CFAP91: variants seen among roughly 807,000 people sequenced by gnomAD.
The protein encoded by CFAP91 is cilia- and flagella-associated protein 91.
CFAP91 carries 85 observed loss-of-function variants against 95.9 expected under a neutral mutation model. The observed-to-expected ratio is 0.89, with a 90% CI of 0.74 to 1.06. The LOEUF (loss-of-function observed/expected upper bound fraction) is 1.06, where lower values mean the gene tolerates loss of function less well. Ranked by LOEUF, CFAP91 falls within the 50% of genes least tolerant of loss-of-function variation. The pLI, the probability that CFAP91 is intolerant of heterozygous loss-of-function variation, is 0.00. For synonymous variants in CFAP91, 335 were observed against 327.5 expected, an observed-to-expected ratio of 1.02 and a Z score of -0.25; for missense variants, 962 against 943.4, an observed-to-expected ratio of 1.02 and a Z score of -0.26.
chr3:119,705,418 C>G (rs2053340367), intron 1 of CFAP91, among the ~76,000 whole-genome samples: 1 of 151,942 alleles, frequency 6.6e-6, no homozygotes, highest in African/African-American at 2.4e-5. Flanking sequence ...ACTCTCTTTC[C>G]CCTCCTTCAT....
intron 6 of CFAP91, among the ~76,000 whole-genome samples, chr3:119,720,605 TA>T (rs2053666184): frequency 6.6e-6 from 1 of 152,130 alleles, no homozygotes; most frequent in African/African-American, 2.4e-5. Context: ...AAGGAACAAA[TA>T]AACTGCTTTA....
Position 119,703,177 on chromosome 3 carries a change from G to A in CFAP91, c.79G>A (p.Ala27Thr), listed in dbSNP as rs759437686. 10 of 1,609,212 alleles carry A rather than the reference G, an allele frequency of 6.2e-6. No individual in the cohort carries two copies. The highest frequency in any genetic ancestry group is 3.3e-4 in the Middle Eastern group (2 of 6,026). ...AACTCGGTACCGGGAGAGGTCGCGGGCTGGGAGCCACATCTCCTCCAATCG... is the reference window on the plus strand; with the variant it reads ...AACTCGGTACCGGGAGAGGTCGCGGACTGGGAGCCACATCTCCTCCAATCG... ...SQTRYRERSR[A>T]GSHISSNRAY... Residue 27 changes from alanine to threonine, a missense_variant, in exon 1 of 18, where the codon GCT becomes ACT. Transcript: ENST00000273390.
chr3:119,721,879 T>C (rs772827708), intron 6 of CFAP91, among the ~76,000 whole-genome samples: 5 of 152,032 alleles, frequency 3.3e-5, no homozygotes, highest in Non-Finnish European at 5.9e-5. Context: ...AATATCCAAT[T>C]AGAAAAATTG....
chr3:119,736,265 A>ATTTTT (rs2054001745), intron 10 of CFAP91, among the ~76,000 whole-genome samples: 1 of 81,126 alleles, frequency 1.2e-5, no homozygotes, highest in African/African-American at 5.3e-5. Context: ...CTTTCTTTCT[A>ATTTTT]TTGTTTTTTT....
intron 6 of CFAP91, among the ~76,000 whole-genome samples, chr3:119,721,477 G>C (rs1329566505): frequency 6.6e-6 from 1 of 152,208 alleles, no homozygotes; most frequent in Non-Finnish European, 1.5e-5. Context: ...TCTTAGCCCA[G>C]AGTTTATCAA....
chr3:119,720,410 GA>G (rs34890079), intron 6 of CFAP91, among the ~76,000 whole-genome samples: 16,448 of 128,816 alleles, frequency 0.13, 1,271 homozygotes, highest in South Asian at 0.21. Flanking sequence ...AAAAAAAAAA[GA>G]AAAGAAAACT....
rs140507080 is a variant in CFAP91 at position 119,763,053 on chromosome 3, T to C, written c.*2-1999T>C. 2.2e-3 allele frequency among the ~76,000 whole-genome samples: 341 copies of C among 152,174 alleles called. 7 individuals are homozygous for C. In the South Asian group the frequency reaches 0.028, roughly 12 times the overall value. ...ACAACCTGCTAAGTGGGAGAAAATA[T>C]GTACAAACCATACATCTGGTAAGAG... On this transcript the variant is annotated intron_variant, in intron 17 of 17. Transcript: ENST00000273390.
intron 17 of CFAP91, among the ~76,000 whole-genome samples, chr3:119,754,437 A>T (rs1193382363): frequency 6.6e-6 from 1 of 152,242 alleles, no homozygotes; most frequent in East Asian, 1.9e-4. Flanking sequence ...TTCTTAGCCT[A>T]TTTATATTGG....
At position 119,743,975 on chromosome 3, in the gene CFAP91, G is replaced by A; in HGVS notation, c.1681G>A (p.Val561Met). 1 of 1,597,334 alleles carries A rather than the reference G, an allele frequency of 6.3e-7. No homozygotes were observed. The highest frequency in any genetic ancestry group is 8.5e-7 in the Non-Finnish European group (1 of 1,170,042). Residue 561 changes from valine (V) to methionine (M), a missense_variant and splice_region_variant, in exon 14 of 18, where the codon GTG becomes ATG. By Grantham distance (21) the Val-to-Met change is conservative. Coordinates refer to ENST00000273390, the MANE Select transcript of CFAP91 (RefSeq NM_033364.4). Reference protein sequence around the residue: ...QRQRNLHEHKVSLVENHLAGL... With the variant: ...QRQRNLHEHKMSLVENHLAGL... ...TTAAAGTTATGTTATTCTTTTCAAG[G>A]TGTCACTGGTTGAAAACCATTTGGC...
At chr3:119,739,598 T>C (rs1300537807) in intron 12 of CFAP91, among the ~76,000 whole-genome samples, 1 of 151,892 alleles carries the variant, frequency 6.6e-6, no homozygotes, top group Non-Finnish European at 1.5e-5. Context: ...GAAACTCACT[T>C]CTTCCTTGGA....
chr3:119,735,708 G>T (rs892682979), intron 10 of CFAP91, among the ~76,000 whole-genome samples: 1 of 152,036 alleles, frequency 6.6e-6, no homozygotes, highest in African/African-American at 2.4e-5. Context: ...CCACTTGATG[G>T]GTAGAGCAGG....
chr3:119,719,985 C>T (rs191637680), intron 6 of CFAP91, among the ~76,000 whole-genome samples: 64 of 152,040 alleles, frequency 4.2e-4, no homozygotes, highest in African/African-American at 1.5e-3. Context: ...TGCCTGTAAT[C>T]CCAGCTACTC....
intron 10 of CFAP91, among the ~76,000 whole-genome samples, chr3:119,735,923 C>T (rs1361547781): frequency 6.6e-6 from 1 of 151,410 alleles, no homozygotes; most frequent in Non-Finnish European, 1.5e-5. Context: ...ATACTTATAT[C>T]GATCTAAGTT....
chr3:119,707,859 A>G (rs892801726), intron 3 of CFAP91, among the ~76,000 whole-genome samples: 2 of 151,870 alleles, frequency 1.3e-5, no homozygotes, highest in African/African-American at 4.8e-5. Flanking sequence ...GCTAGTATCT[A>G]AAATATTTTT....
Position 119,715,552 on chromosome 3 carries a change from T to C in CFAP91, c.501-10T>C, listed in dbSNP as rs2053557787. The C allele has an allele frequency of 1.2e-6, 2 of 1,612,010 alleles. No individual in the cohort carries two copies. The highest frequency in any genetic ancestry group is 1.7e-6 in the Non-Finnish European group (2 of 1,178,618). ...AGGTTTCAATTTTTAAACTGATTTT[T>C]CTCTTTTAGGGCAGAACCATACACT... is the stretch of plus-strand genomic sequence containing the variant. On this transcript the variant is annotated splice_polypyrimidine_tract_variant and intron_variant, in intron 5 of 17. Transcript: ENST00000273390.
Position 119,711,360 on chromosome 3 carries a change from A to G in CFAP91, c.500+1465A>G, listed in dbSNP as rs182319228. Among the ~76,000 whole-genome samples the G allele has an allele frequency of 8.5e-5, 13 of 152,306 alleles. 1 individual carries two copies. The East Asian group carries it at 2.5e-3, about 29-fold the overall frequency. On this transcript the variant is annotated intron_variant, in intron 5 of 17. Coordinates refer to ENST00000273390, the MANE Select transcript of CFAP91 (RefSeq NM_033364.4). ...TTGTATGAGCAAAAGGGGAGCTATG[A>G]GCTATGTAGATCCCTAAAGAGCCTT...
chr3:119,764,903 A>G (rs1249617461), intron 17 of CFAP91, 149 bp from the exon 18 acceptor site: 1 of 152,208 alleles, frequency 6.6e-6, no homozygotes, highest in Non-Finnish European at 1.5e-5. Context: ...AGGCTTATAA[A>G]TAGCAGAGCT....
chr3:119,730,680 A>G (rs1293645663), intron 8 of CFAP91, among the ~76,000 whole-genome samples: 1 of 150,154 alleles, frequency 6.7e-6, no homozygotes, highest in East Asian at 2.0e-4. Context: ...CCCCATATTC[A>G]TGGTCCACAG....
At chr3:119,733,757 T>C (rs28678836) in intron 10 of CFAP91, among the ~76,000 whole-genome samples, 2,405 of 152,272 alleles carry the variant, frequency 0.016, 59 homozygotes, top group African/African-American at 0.055. Flanking sequence ...CGTTTTCCAC[T>C]TGGATCTCTA....
Sources: gnomAD v4.1 joint callset for allele counts (sites outside exome capture counted in the v4.1 genomes callset) on GRCh38, gnomAD v4.1.1 for gene constraint, MANE v1.5 for transcripts, NCBI Gene and HGNC (gene_info 2026-07-23, HGNC 2026-07-21) for gene names.